The following BAZ2B variants were observed in gnomAD, a reference collection of about 807,000 sequenced individuals.
BAZ2B encodes bromodomain adjacent to zinc finger domain 2B.
A neutral mutation model predicts 246.0 loss-of-function variants in BAZ2B; 91 were observed. That is an observed-to-expected ratio of 0.37 (90% CI 0.31 to 0.44). The LOEUF (loss-of-function observed/expected upper bound fraction) is 0.44. BAZ2B is among the 20% of genes least tolerant of loss of function. The pLI is 1.00. For missense variants in BAZ2B, 2,332 were observed against 2,533.7 expected, an observed-to-expected ratio of 0.92 and a Z score of 1.71; for synonymous variants, 855 against 860.0, an observed-to-expected ratio of 0.99 and a Z score of 0.10.
chr2:159,620,618 C>T (rs796317475), upstream of BAZ2B, among the ~76,000 whole-genome samples: 39 of 151,992 alleles, frequency 2.6e-4, no homozygotes, highest in East Asian at 9.7e-4. Flanking sequence ...CAAAGAAGTT[C>T]GGGGTGGGAG....
intron 1 of BAZ2B, among the ~76,000 whole-genome samples, chr2:159,604,825 TTA>T (rs1194518684): frequency 6.6e-6 from 1 of 152,092 alleles, no homozygotes; most frequent in Non-Finnish European, 1.5e-5. Flanking sequence ...TGTCAAAAAA[TTA>T]AAAATATGAG....
At chr2:159,558,556 G>A (rs887628196) in intron 1 of BAZ2B, among the ~76,000 whole-genome samples, 1 of 152,010 alleles carries the variant, frequency 6.6e-6, no homozygotes, top group African/African-American at 2.4e-5. Context: ...CACTGTGCCC[G>A]GCTCCAGCAG....
rs141015828 is a variant in BAZ2B, at chr2:159,534,575, A to T, written c.-3+21248T>A. 1.5e-3 allele frequency among the ~76,000 whole-genome samples: 224 copies of T among 152,220 alleles called. 1 individual carries two copies. Among genetic ancestry groups the T allele is most frequent in the Admixed American group, 3.0e-3 (46 of 15,292 alleles). On this transcript the variant is annotated intron_variant, in intron 2 of 36. Transcript: ENST00000392783. ...GTCTGTCCTTGACCAAAACATCATT[A>T]TGCCTCCTGTGACATTGTATTCTGA...
intron 4 of BAZ2B, among the ~76,000 whole-genome samples, chr2:159,450,242 G>A (rs774790106): frequency 6.6e-6 from 1 of 152,228 alleles, no homozygotes; most frequent in South Asian, 2.1e-4. Context: ...TGGTGTGGTG[G>A]TATAGTTCTG....
the BAZ2B span, among the ~76,000 whole-genome samples, chr2:159,686,359 A>G: frequency 7.9e-5 from 12 of 152,338 alleles, no homozygotes; most frequent in African/African-American, 2.6e-4. Flanking sequence ...ACCCTCTGAT[A>G]TGATGTAATG....
At chr2:159,452,660 A>AAT (rs1270358107) in intron 4 of BAZ2B, among the ~76,000 whole-genome samples, 2 of 152,234 alleles carry the variant, frequency 1.3e-5, no homozygotes, top group Non-Finnish European at 2.9e-5. Context: ...CTTTCAAGAT[A>AAT]ATATAACAAA....
At chr2:159,438,141 T>C in intron 8 of BAZ2B, 162 bp downstream of exon 8, 1 of 666,692 alleles carries the variant, frequency 1.5e-6, no homozygotes, top group Non-Finnish European at 2.5e-6. Flanking sequence ...GAATATAAAA[T>C]CAGAGAAATT....
At chr2:159,438,870 C>A (rs921279154) in intron 7 of BAZ2B, 139 bp downstream of exon 7, 20 of 1,225,930 alleles carry the variant, frequency 1.6e-5, no homozygotes, top group African/African-American at 1.2e-4. Context: ...AAAAACATTT[C>A]TTCATCTTCT....
At chr2:159,359,614 G>T (rs978778770) in intron 27 of BAZ2B, among the ~76,000 whole-genome samples, 1 of 152,246 alleles carries the variant, frequency 6.6e-6, no homozygotes, top group African/African-American at 2.4e-5. Context: ...TATAAGGCCA[G>T]CGTCAATACC....
chr2:159,644,418 A>G, the BAZ2B span, among the ~76,000 whole-genome samples: 2 of 152,148 alleles, frequency 1.3e-5, no homozygotes, highest in East Asian at 3.9e-4. Context: ...TATCATGCCA[A>G]CAGCTGTTTG....
At chr2:159,678,911 G>C in the BAZ2B span, among the ~76,000 whole-genome samples, 5 of 152,104 alleles carry the variant, frequency 3.3e-5, no homozygotes, top group Non-Finnish European at 4.4e-5. Flanking sequence ...CTTATAAATG[G>C]CATGATACAG....
intron 3 of BAZ2B, among the ~76,000 whole-genome samples, chr2:159,467,506 GA>G (rs2077224267): frequency 6.6e-6 from 1 of 152,146 alleles, no homozygotes; most frequent in African/African-American, 2.4e-5. Flanking sequence ...AAAAATCCCA[GA>G]ATGGAATCTC....
intron 2 of BAZ2B, among the ~76,000 whole-genome samples, chr2:159,531,383 CAACT>C (rs1211209800): frequency 6.6e-6 from 1 of 151,928 alleles, no homozygotes; most frequent in African/African-American, 2.4e-5. Flanking sequence ...TTTTGCAAAC[CAACT>C]GAGAAATATT....
chr2:159,452,342 T>C (rs1309111058), intron 4 of BAZ2B, among the ~76,000 whole-genome samples: 1 of 152,236 alleles, frequency 6.6e-6, no homozygotes, highest in Non-Finnish European at 1.5e-5. Context: ...GGACTAATTA[T>C]GTGCACCAGA....
At chr2:159,397,211 G>C (rs557145879) in intron 19 of BAZ2B, 134 bp downstream of exon 19, 1 of 1,256,704 alleles carries the variant, frequency 8.0e-7, no homozygotes, top group South Asian at 1.4e-5. Context: ...ATAAACTGTA[G>C]GTTGAAGGAA....
chr2:159,382,808 A>C lies in BAZ2B; in HGVS notation c.3762-6T>G, dbSNP rs752222396. The C allele has an allele frequency of 6.2e-7, 1 of 1,608,732 alleles. No homozygotes were observed. On this transcript the variant is annotated splice_region_variant and splice_polypyrimidine_tract_variant and intron_variant, in intron 24 of 36. Transcript: ENST00000392783. ...TAGCATGAATGATTCTGAGCCTTTA[A>C]ATATTATGAAAAGTGATGACAAGGA...
intron 1 of BAZ2B, among the ~76,000 whole-genome samples, chr2:159,601,331 A>G (rs922788191): frequency 6.6e-6 from 1 of 152,144 alleles, no homozygotes; most frequent in Non-Finnish European, 1.5e-5. Context: ...TAAAAAGTCT[A>G]AAGAATCACT....
chr2:159,647,717 C>T, the BAZ2B span, among the ~76,000 whole-genome samples: 16 of 152,156 alleles, frequency 1.1e-4, no homozygotes, highest in South Asian at 2.1e-4. Context: ...AACTGAACAA[C>T]GACCAATAAA....
intron 3 of BAZ2B, chr2:159,459,265 T>C (rs913637718): frequency 7.9e-5 from 12 of 152,234 alleles, no homozygotes; most frequent in Admixed American, 2.0e-4. Context: ...AAGCAAACTG[T>C]TATCAGTTGG....
Sources: gnomAD v4.1 joint callset for allele counts (sites outside exome capture counted in the v4.1 genomes callset) on GRCh38, gnomAD v4.1.1 for gene constraint, MANE v1.5 for transcripts, NCBI Gene and HGNC (gene_info 2026-07-23, HGNC 2026-07-21) for gene names.